The following TBC1D4 variants were observed in gnomAD, a reference collection of about 807,000 sequenced individuals.
The protein encoded by TBC1D4 is TBC (Tre-2, BUB2, CDC16) domain-containing protein.
A neutral mutation model predicts 142.5 loss-of-function variants in TBC1D4; 121 were observed. The observed-to-expected ratio is 0.85, with a 90% confidence interval of 0.73 to 0.99. The LOEUF (loss-of-function observed/expected upper bound fraction) is 0.99. TBC1D4 is among the 50% of genes least tolerant of loss of function. TBC1D4 has a pLI of 0.00. For missense variants in TBC1D4, 1,475 were observed against 1,606.6 expected (o/e 0.92, Z 1.40); for synonymous variants, 630 against 628.2 (o/e 1.00, Z -0.04).
In TBC1D4 at chr13:75,309,945, C is replaced by A; in HGVS notation, c.2590G>T (p.Glu864Ter). The A allele has an allele frequency of 1.9e-6, 3 of 1,614,070 alleles. No homozygotes were observed. Among genetic ancestry groups the A allele is most frequent in the Non-Finnish European group, 1.7e-6 (2 of 1,179,956 alleles). ...TTAGTCTGTTAAAATGGCTAACCTT[C>A]AAGTTTCTGGTTTTCTTTTTCCATT... is the stretch of plus-strand genomic sequence containing the variant. ...LRMEKENQKLEASRDELQSRK... is the reference protein window; with the variant it reads ...LRMEKENQKL The change falls in exon 14 of 21, where the codon GAA (glutamate) becomes TAA (stop). Residue 864 changes from glutamate (E) to a stop codon, truncating the protein, a stop_gained. Transcript: ENST00000377636. LOFTEE classifies it high-confidence loss of function.
In TBC1D4 at chr13:75,362,022, G is replaced by A. The variant is rs1882563397; in HGVS notation, c.1080+4C>T. 2 of 1,614,000 alleles carry A rather than the reference G, an allele frequency of 1.2e-6. No homozygotes were observed. Among genetic ancestry groups the A allele is most frequent in the Non-Finnish European group, 1.7e-6 (2 of 1,180,010 alleles). The stretch of plus-strand genomic sequence containing the variant: ...AAGGGCAGACAGCGTCCGATCAGGT[G>A]TACCTGGAAGAGCATGGTCCTGTTC... On this transcript the variant is annotated splice_donor_region_variant and intron_variant, in intron 2 of 20. Transcript: ENST00000377636. This position sits in a 1 kb window ranked among gnomAD's most constrained non-coding sequence, Gnocchi z 4.2.
chr13:75,443,324 T>G (rs193290925), intron 1 of TBC1D4, among the ~76,000 whole-genome samples: 14 of 152,362 alleles, frequency 9.2e-5, no homozygotes, highest in Admixed American at 2.0e-4. Context: ...TCATTTCATG[T>G]GTTTGAGTAT....
Position 75,369,652 on chromosome 13 carries a change from T to C in TBC1D4, c.499-7045A>G, listed in dbSNP as rs79511574. Among the ~76,000 whole-genome samples, 346 of 152,316 alleles carry C rather than the reference T, an allele frequency of 2.3e-3. 3 individuals are homozygous for C. The highest frequency in any genetic ancestry group is 8.1e-3 in the African/African-American group (336 of 41,568). Reference sequence around the variant, plus strand: ...TATCTATGTTTATCTACAGAAAAGATATGATACCCCCTAGGTCTCAGGTTT... The same window carrying C: ...TATCTATGTTTATCTACAGAAAAGACATGATACCCCCTAGGTCTCAGGTTT... On this transcript the variant is annotated intron_variant, in intron 1 of 20. Transcript: ENST00000377636.
intron 18 of TBC1D4, among the ~76,000 whole-genome samples, chr13:75,294,183 C>T (rs1319221767): frequency 6.6e-6 from 1 of 152,094 alleles, no homozygotes; most frequent in Non-Finnish European, 1.5e-5. Context: ...TTAAGGGCCT[C>T]CAAAGGGGAC....
intron 8 of TBC1D4, among the ~76,000 whole-genome samples, chr13:75,333,863 T>C (rs1267786687): frequency 6.6e-6 from 1 of 152,176 alleles, no homozygotes; most frequent in East Asian, 1.9e-4. Context: ...AACAGGCTTG[T>C]TATTTTGTAG....
chr13:75,287,008 G>A lies in TBC1D4; in HGVS notation c.3681C>T (p.Ile1227=), dbSNP rs542866730. 1.9e-6 allele frequency: 3 copies of A among 1,612,116 alleles called. No homozygotes were observed. In the South Asian group the frequency reaches 3.3e-5, roughly 18 times the overall value. ...TTTCCAGGTTTGATTCCAAGGCCTG[G>A]ATTTTAGTATGAGCTACCTGTTTGG... ...LEKLQVAHTK[I]QALESNLENL... Residue 1227 remains isoleucine, a synonymous_variant, in exon 21 of 21, where the codon ATC becomes ATT. Transcript: ENST00000377636.
chr13:75,303,969 G>C (rs912444069), intron 15 of TBC1D4, among the ~76,000 whole-genome samples: 1 of 152,000 alleles, frequency 6.6e-6, no homozygotes, highest in African/African-American at 2.4e-5. Context: ...CTAACATCTC[G>C]AGATGTAATC....
chr13:75,286,718 G>C lies in TBC1D4; in HGVS notation c.*74C>G. 6.8e-7 allele frequency: 1 copy of C among 1,468,166 alleles called. No homozygotes were observed. Among genetic ancestry groups the C allele is most frequent in the African/African-American group, 1.4e-5 (1 of 71,648 alleles). 90.9% of individuals were successfully genotyped at this position (1,468,166 alleles called of 1,614,324 possible). A position where few individuals can be genotyped will look rare whatever the true frequency, so the allele number is the denominator to read the frequency against. ...CCATCAGCTTCAGGGTCCAGCCTTG[G>C]GCCAGCGACATGCAGGCTCTTCCTC... is the stretch of plus-strand genomic sequence containing the variant. On this transcript the variant is annotated 3_prime_UTR_variant, in exon 21 of 21. Transcript: ENST00000377636.
intron 5 of TBC1D4, among the ~76,000 whole-genome samples, chr13:75,345,055 G>T (rs947227651): frequency 4.6e-5 from 7 of 152,174 alleles, no homozygotes; most frequent in Non-Finnish European, 1.0e-4. Context: ...GGCCCTGAGG[G>T]TCCCTGCCTT....
chr13:75,300,761 T>C (rs757747888), intron 16 of TBC1D4, among the ~76,000 whole-genome samples: 11 of 152,236 alleles, frequency 7.2e-5, no homozygotes, highest in Non-Finnish European at 1.5e-4. Context: ...ATTTTCTCTC[T>C]TTAATAGGAC....
intron 1 of TBC1D4, among the ~76,000 whole-genome samples, chr13:75,423,973 G>A (rs1395024935): frequency 1.3e-5 from 2 of 152,162 alleles, no homozygotes; most frequent in African/African-American, 2.4e-5. Flanking sequence ...GTTATATTAC[G>A]TGTATTTTTG....
chr13:75,413,675 C>T (rs1885782514), intron 1 of TBC1D4, among the ~76,000 whole-genome samples: 1 of 152,162 alleles, frequency 6.6e-6, no homozygotes, highest in Non-Finnish European at 1.5e-5. Flanking sequence ...GACTGTTAGT[C>T]TTAAAAGGAT....
chr13:75,378,980 A>G (rs893121538), intron 1 of TBC1D4, among the ~76,000 whole-genome samples: 7 of 152,142 alleles, frequency 4.6e-5, no homozygotes, highest in Non-Finnish European at 7.4e-5. Flanking sequence ...TATTGATGCA[A>G]ATTGGGTGAA....
intron 1 of TBC1D4, among the ~76,000 whole-genome samples, chr13:75,468,011 T>C (rs974970383): frequency 6.6e-5 from 10 of 152,218 alleles, no homozygotes; most frequent in African/African-American, 2.4e-4. Flanking sequence ...TCTCCATTCA[T>C]TCATTTCCCT....
chr13:75,422,199 A>G (rs369416312), intron 1 of TBC1D4, among the ~76,000 whole-genome samples: 5 of 152,236 alleles, frequency 3.3e-5, no homozygotes, highest in African/African-American at 1.2e-4. Flanking sequence ...AGATGAGTTC[A>G]TCTGCCCCTC....
At chr13:75,428,105 C>A (rs1886451798) in intron 1 of TBC1D4, among the ~76,000 whole-genome samples, 1 of 152,066 alleles carries the variant, frequency 6.6e-6, no homozygotes, top group African/African-American at 2.4e-5. Flanking sequence ...TTAAAATCAA[C>A]AGGGGACACA....
intron 9 of TBC1D4, 143 bp downstream of exon 9, chr13:75,327,609 C>G (rs1879373611): frequency 2.5e-6 from 2 of 811,418 alleles, no homozygotes; most frequent in Admixed American, 4.6e-5. Flanking sequence ...CTAGAATCTT[C>G]TTAGTTAAAA....
At chr13:75,386,392 C>T (rs7492099) in intron 1 of TBC1D4, among the ~76,000 whole-genome samples, 3,634 of 110,912 alleles carry the variant, frequency 0.033, 194 homozygotes, top group African/African-American at 0.12. Context: ...TTTTCTTTTT[C>T]TTTTTTTTTT....
chr13:75,337,617 A>G (rs1880332542), intron 7 of TBC1D4, among the ~76,000 whole-genome samples: 1 of 152,216 alleles, frequency 6.6e-6, no homozygotes, highest in Admixed American at 6.5e-5. Context: ...AGCAGCTACT[A>G]TGTATATCAC....
Sources: allele counts gnomAD v4.1 joint callset (sites outside exome capture counted in the v4.1 genomes callset), GRCh38; gene constraint gnomAD v4.1.1; non-coding constraint Gnocchi (gnomAD v3.1); transcripts MANE v1.5; gene names NCBI Gene and HGNC (gene_info 2026-07-23, HGNC 2026-07-21).